IL1R1: variants seen among roughly 807,000 people sequenced by gnomAD.
The protein encoded by IL1R1 is interleukin-1 receptor type 1.
In IL1R1, 22 loss-of-function variants were observed where a neutral mutation model predicts 50.2. The observed-to-expected ratio is 0.44, with a 90% CI of 0.31 to 0.63. The LOEUF (loss-of-function observed/expected upper bound fraction) is 0.63, where lower values mean the gene tolerates loss of function less well. Among genes scored for constraint, IL1R1 ranks in the 20% least tolerant of loss-of-function variants. The probability of loss-of-function intolerance (pLI) is 0.07; values close to 1 mark genes in which losing one functional copy is unlikely to be tolerated. For missense variants in IL1R1, 509 were observed against 676.2 expected, an observed-to-expected ratio of 0.75 and a Z score of 2.74; for synonymous variants, 251 against 236.7, an observed-to-expected ratio of 1.06 and a Z score of -0.55.
In IL1R1 at chr2:102,176,806, C is replaced by T. The variant is rs202139847; in HGVS notation, c.*47C>T. 26 of 1,565,456 alleles carry T rather than the reference C, an allele frequency of 1.7e-5. No homozygotes were observed. Among genetic ancestry groups the T allele is most frequent in the South Asian group, 4.6e-5 (4 of 86,860 alleles). On this transcript the variant is annotated 3_prime_UTR_variant, in exon 12 of 12. Coordinates refer to ENST00000410023, the MANE Select transcript of IL1R1 (RefSeq NM_000877.4). ...TCTTTAGGTGCCTCCTGTCTTATGG[C>T]GTTGCAGGCCAGGTTATGCCTCATG...
chr2:102,152,504 CAAAAAAAAAAAAAAAA>C (rs70946674), intron 1 of IL1R1, among the ~76,000 whole-genome samples: 605 of 29,666 alleles, frequency 0.02, 6 homozygotes, highest in Middle Eastern at 0.028. Context: ...GACTCCGTCT[CAAAAAAAAAAAAAAAA>C]AAAAAAAAAA....
At chr2:102,124,931 A>T (rs985257896) in intron 1 of IL1R1, among the ~76,000 whole-genome samples, 1 of 150,830 alleles carries the variant, frequency 6.6e-6, no homozygotes, top group Non-Finnish European at 1.5e-5. Context: ...ATAAAAAAAA[A>T]TAAGACCTCC....
rs144901478 is a variant in IL1R1 at position 102,165,218 on chromosome 2, G to A, written c.400G>A (p.Val134Ile). 21 of 1,607,806 alleles carry A rather than the reference G, an allele frequency of 1.3e-5. No homozygotes were observed. Among genetic ancestry groups the A allele is most frequent in the African/African-American group, 1.2e-4 (9 of 74,542 alleles). Residue 134 changes from valine (V) to isoleucine (I), a missense_variant, in exon 5 of 12, where the codon GTT (valine) becomes ATT (isoleucine). Val to Ile is a conservative substitution (Grantham distance 29, BLOSUM62 3). Coordinates refer to ENST00000410023, the MANE Select transcript of IL1R1 (RefSeq NM_000877.4). The part of the protein sequence containing the change: ...AQAIFKQKLP[V>I]AGDGGLVCPY... The stretch of plus-strand genomic sequence containing the variant: ...AGCCATATTTAAGCAGAAACTACCC[G>A]TTGCAGGAGACGGAGGACTTGTGTG...
intron 1 of IL1R1, among the ~76,000 whole-genome samples, chr2:102,081,649 C>A (rs1679212539): frequency 6.6e-6 from 1 of 152,214 alleles, no homozygotes; most frequent in Non-Finnish European, 1.5e-5. Flanking sequence ...GATTTGCCCC[C>A]ACCCTGTTTA....
At chr2:102,098,693 GA>G (rs954215085) in intron 1 of IL1R1, among the ~76,000 whole-genome samples, 6 of 151,882 alleles carry the variant, frequency 4.0e-5, no homozygotes, top group Non-Finnish European at 7.4e-5. Flanking sequence ...ATGTACATAG[GA>G]AAAAAAAGAG....
At chr2:102,087,261 G>A (rs914277891) in intron 1 of IL1R1, among the ~76,000 whole-genome samples, 4 of 152,214 alleles carry the variant, frequency 2.6e-5, no homozygotes, top group African/African-American at 9.6e-5. Context: ...ACTGACCAGA[G>A]TGGTGGCTGC....
At chr2:102,096,723 T>C (rs1012295889) in intron 1 of IL1R1, among the ~76,000 whole-genome samples, 1 of 152,056 alleles carries the variant, frequency 6.6e-6, no homozygotes, top group Admixed American at 6.5e-5. Flanking sequence ...TGTAGGCAAA[T>C]ATATTAATCT....
At chr2:102,101,356 G>A (rs149139438), upstream of IL1R1, among the ~76,000 whole-genome samples, 1,548 of 152,304 alleles carry the variant, frequency 0.01, 8 homozygotes, top group African/African-American at 0.019. Flanking sequence ...GTCTGCTGGC[G>A]TCCAGGTTGG....
intron 1 of IL1R1, among the ~76,000 whole-genome samples, chr2:102,112,815 C>T (rs149547848): frequency 8.9e-4 from 135 of 152,218 alleles, no homozygotes; most frequent in African/African-American, 3.0e-3. Context: ...CCACTAAATT[C>T]CTATGTTGAA....
chr2:102,109,587 C>T (rs1485321078), intron 1 of IL1R1, among the ~76,000 whole-genome samples: 1 of 152,108 alleles, frequency 6.6e-6, no homozygotes, highest in Admixed American at 6.5e-5. Context: ...AGGTGTTGAA[C>T]CTGGAAAACT....
chr2:102,083,042 A>G (rs1338426842), intron 1 of IL1R1, among the ~76,000 whole-genome samples: 2 of 152,114 alleles, frequency 1.3e-5, no homozygotes, highest in Non-Finnish European at 2.9e-5. Flanking sequence ...GGCCACTCCA[A>G]TGGGATGGTA....
intron 3 of IL1R1, among the ~76,000 whole-genome samples, chr2:102,162,985 T>G (rs769676153): frequency 6.6e-6 from 1 of 152,178 alleles, no homozygotes; most frequent in Non-Finnish European, 1.5e-5. Context: ...AAAGTCAGTA[T>G]TTTTTCCTAA....
intron 1 of IL1R1, among the ~76,000 whole-genome samples, chr2:102,124,418 TC>T (rs890404439): frequency 1.4e-5 from 2 of 148,098 alleles, no homozygotes; most frequent in Non-Finnish European, 3.0e-5. Context: ...AGACTCCATC[TC>T]CCCCCCACCA....
At chr2:102,133,472 A>G (rs1682159396) in intron 1 of IL1R1, among the ~76,000 whole-genome samples, 2 of 152,168 alleles carry the variant, frequency 1.3e-5, no homozygotes, top group South Asian at 4.1e-4. Flanking sequence ...GAAAGTACAG[A>G]CCAGTATTCC....
upstream of IL1R1, among the ~76,000 whole-genome samples, chr2:102,103,676 G>A (rs1680250979): frequency 6.6e-6 from 1 of 152,096 alleles, no homozygotes; most frequent in Admixed American, 6.5e-5. Context: ...TCGGAGTGCA[G>A]AGCACAGGAG....
rs534141884 is a variant in IL1R1, at chr2:102,174,333, G to A, written c.992-254G>A. On this transcript the variant is annotated intron_variant, in intron 9 of 11. Transcript: ENST00000410023. ...TGGAATGCTCTATCCTGTGGTCTTCGGTATTATTTCCCATGTTATTGTATA... is the reference window on the plus strand; with the variant it reads ...TGGAATGCTCTATCCTGTGGTCTTCAGTATTATTTCCCATGTTATTGTATA... Among the ~76,000 whole-genome samples the A allele has an allele frequency of 2.0e-4, 31 of 152,110 alleles. 1 individual carries two copies. The South Asian group carries it at 3.7e-3, about 18-fold the overall frequency.
At chr2:102,071,079 A>G (rs186757763) in intron 1 of IL1R1, among the ~76,000 whole-genome samples, 32 of 152,314 alleles carry the variant, frequency 2.1e-4, no homozygotes, top group Admixed American at 1.3e-3. Context: ...AAGACTAGGC[A>G]TCATTATGTG....
upstream of IL1R1, among the ~76,000 whole-genome samples, chr2:102,141,538 G>C (rs531846396): frequency 6.6e-6 from 1 of 152,332 alleles, no homozygotes; most frequent in South Asian, 2.1e-4. Context: ...ATCATGCCAG[G>C]TTGCAAGACA....
At chr2:102,122,214 A>G (rs1577896746) in intron 1 of IL1R1, among the ~76,000 whole-genome samples, 1 of 152,326 alleles carries the variant, frequency 6.6e-6, no homozygotes. Context: ...GTAAATAAGA[A>G]TAGCTGGGCC....
Sources: allele counts gnomAD v4.1 joint callset (sites outside exome capture counted in the v4.1 genomes callset), GRCh38; gene constraint gnomAD v4.1.1; transcripts MANE v1.5; gene names NCBI Gene and HGNC (gene_info 2026-07-23, HGNC 2026-07-21).